R3HDM2: variants seen among roughly 807,000 people sequenced by gnomAD.
The protein encoded by R3HDM2 is R3H domain-containing protein 2.
In R3HDM2, 38 loss-of-function variants were observed where a neutral mutation model predicts 124.5. The ratio of observed to expected loss-of-function variants is 0.31; its 90% confidence interval spans 0.24 to 0.40. The LOEUF is 0.40. Among genes scored for constraint, R3HDM2 ranks in the 10% least tolerant of loss-of-function variants. The pLI, the probability that R3HDM2 is intolerant of heterozygous loss-of-function variation, is 1.00. For synonymous variants in R3HDM2, 391 were observed against 448.0 expected (o/e 0.87, Z 1.61); for missense variants, 869 against 1,236.9 (o/e 0.70, Z 4.46).
rs936548633 is a variant in R3HDM2 at position 57,431,005 on chromosome 12, C to A, written c.-391G>T. On this transcript the variant is annotated 5_prime_UTR_variant, in exon 1 of 24. Transcript: ENST00000402412. ...GGAAAATCAGAAGGGGAAGAAAAGC[C>A]CAGAGTCCGCCCCCCGCTGCGGCTG... The A allele has an allele frequency of 2.0e-5, 3 of 152,344 alleles. No homozygotes were observed. The highest frequency in any genetic ancestry group is 4.4e-5 in the Non-Finnish European group (3 of 68,236). The allele number at this position is 152,344 out of a possible 1,614,324, so 9.4% of individuals were successfully genotyped here.
intron 3 of R3HDM2, among the ~76,000 whole-genome samples, chr12:57,305,291 A>G (rs1371025451): frequency 6.6e-6 from 1 of 152,180 alleles, no homozygotes; most frequent in African/African-American, 2.4e-5. Flanking sequence ...CCCATTTTTA[A>G]TGGCTACATA....
intron 21 of R3HDM2, among the ~76,000 whole-genome samples, chr12:57,256,982 A>C (rs564931891): frequency 2.0e-5 from 3 of 151,066 alleles, no homozygotes; most frequent in African/African-American, 7.3e-5. Flanking sequence ...CGCCTGGCTA[A>C]TTTTTTTTTG....
At chr12:57,361,606 C>G (rs956818964) in intron 2 of R3HDM2, among the ~76,000 whole-genome samples, 11 of 151,760 alleles carry the variant, frequency 7.2e-5, no homozygotes, top group African/African-American at 2.7e-4. Flanking sequence ...ACCACTTGAG[C>G]CCAGGAGTTC....
intron 2 of R3HDM2, among the ~76,000 whole-genome samples, chr12:57,366,136 C>G (rs1161236117): frequency 6.6e-6 from 1 of 152,094 alleles, no homozygotes; most frequent in Non-Finnish European, 1.5e-5. Context: ...CACTGACACT[C>G]TTCACTTATT....
chr12:57,322,109 G>A (rs992229045), intron 2 of R3HDM2, among the ~76,000 whole-genome samples: 1 of 152,024 alleles, frequency 6.6e-6, no homozygotes, highest in East Asian at 1.9e-4. Flanking sequence ...TCGCCTGTTC[G>A]GGAGGCTGAG....
At chr12:57,322,556 C>T (rs1055757969) in intron 2 of R3HDM2, among the ~76,000 whole-genome samples, 3 of 152,152 alleles carry the variant, frequency 2.0e-5, no homozygotes, top group Non-Finnish European at 4.4e-5. Context: ...ATCAAGGTTC[C>T]GTCACTAAGT....
intron 2 of R3HDM2, among the ~76,000 whole-genome samples, chr12:57,385,784 G>A (rs1367642171): frequency 6.6e-6 from 1 of 152,128 alleles, no homozygotes; most frequent in Non-Finnish European, 1.5e-5. Context: ...CTAGACAGAA[G>A]AGCAGCTCTC....
At chr12:57,365,935 C>CAAA (rs33933302) in intron 2 of R3HDM2, among the ~76,000 whole-genome samples, 66 of 146,636 alleles carry the variant, frequency 4.5e-4, no homozygotes, top group Non-Finnish European at 8.7e-4. Flanking sequence ...GACTCCATCT[C>CAAA]AAAAAAAAAA....
chr12:57,277,811 GATCACTT>G (rs1173157550), intron 14 of R3HDM2, among the ~76,000 whole-genome samples: 1 of 152,168 alleles, frequency 6.6e-6, no homozygotes, highest in African/African-American at 2.4e-5. Flanking sequence ...GTGTGCACAT[GATCACTT>G]CTTTAATCCT....
In R3HDM2 at chr12:57,305,180, G is replaced by A. The variant is rs185505212; in HGVS notation, c.166-1963C>T. Among the ~76,000 whole-genome samples, 211 of 151,974 alleles carry A rather than the reference G, an allele frequency of 1.4e-3. 1 individual carries two copies. The highest frequency in any genetic ancestry group is 4.2e-3 in the African/African-American group (176 of 41,442). Reference sequence around the variant, plus strand: ...AGCCTGAGCAACAGAGCAAGGCTCCGTTTCAAAAAAAATAAAAATAAAAAT... The same window carrying A: ...AGCCTGAGCAACAGAGCAAGGCTCCATTTCAAAAAAAATAAAAATAAAAAT... On this transcript the variant is annotated intron_variant, in intron 3 of 23. Transcript: ENST00000402412.
chr12:57,268,781 A>G, intron 17 of R3HDM2, 141 bp downstream of exon 17: 2 of 1,107,434 alleles, frequency 1.8e-6, no homozygotes, highest in Admixed American at 2.5e-5. Context: ...GCTTTCCGTT[A>G]TAGGAAAAAA....
intron 4 of R3HDM2, among the ~76,000 whole-genome samples, chr12:57,302,914 C>A (rs2051582673): frequency 6.6e-6 from 1 of 152,146 alleles, no homozygotes; most frequent in South Asian, 2.1e-4. Context: ...CTTTCAGGCT[C>A]TGTGGAAGGC....
At chr12:57,281,468 T>C (rs1166907902) in intron 13 of R3HDM2, among the ~76,000 whole-genome samples, 1 of 152,082 alleles carries the variant, frequency 6.6e-6, no homozygotes, top group African/African-American at 2.4e-5. Context: ...AACACAGTCC[T>C]TGCCCTTAAC....
intron 14 of R3HDM2, among the ~76,000 whole-genome samples, chr12:57,277,855 G>A (rs2045212547): frequency 6.6e-6 from 1 of 152,120 alleles, no homozygotes; most frequent in Non-Finnish European, 1.5e-5. Flanking sequence ...ATTAGAAACT[G>A]AACAATAATT....
chr12:57,359,197 G>A (rs534130794), intron 2 of R3HDM2, among the ~76,000 whole-genome samples: 3 of 152,180 alleles, frequency 2.0e-5, no homozygotes, highest in East Asian at 1.9e-4. Context: ...GATTACAGGC[G>A]TGAACCACCG....
At chr12:57,312,476 C>A (rs1160290740) in intron 2 of R3HDM2, among the ~76,000 whole-genome samples, 1 of 152,066 alleles carries the variant, frequency 6.6e-6, no homozygotes, top group African/African-American at 2.4e-5. Context: ...GTTTTGTTCA[C>A]CTTGTGGTGG....
intron 2 of R3HDM2, among the ~76,000 whole-genome samples, chr12:57,337,775 TCCCAATATGAAAGC>T (rs2059045854): frequency 6.6e-6 from 1 of 152,106 alleles, no homozygotes; most frequent in South Asian, 2.1e-4. Flanking sequence ...AGATGTTACC[TCCCAATATGAAAGC>T]CCCAGACTCG....
intron 21 of R3HDM2, among the ~76,000 whole-genome samples, 167 bp downstream of exon 21, chr12:57,257,823 G>C (rs536669581): frequency 6.6e-6 from 1 of 152,292 alleles, no homozygotes; most frequent in East Asian, 1.9e-4. Flanking sequence ...CACTAGAGAG[G>C]GGCAAGTGTC....
At chr12:57,350,930 C>G (rs894194973) in intron 2 of R3HDM2, among the ~76,000 whole-genome samples, 1 of 152,102 alleles carries the variant, frequency 6.6e-6, no homozygotes, top group African/African-American at 2.4e-5. Context: ...GAAACCCCAT[C>G]TCTATTAAAA....
Sources: allele counts gnomAD v4.1 joint callset (sites outside exome capture counted in the v4.1 genomes callset), GRCh38; gene constraint gnomAD v4.1.1; transcripts MANE v1.5; gene names NCBI Gene and HGNC (gene_info 2026-07-23, HGNC 2026-07-21).